Variants in PALM2AKAP2 observed in about 807,000 individuals in gnomAD.
PALM2AKAP2 encodes PALM2-AKAP2 fusion protein.
PALM2AKAP2 carries 37 observed loss-of-function variants against 71.5 expected under a neutral mutation model. That is an observed-to-expected ratio of 0.52 (90% confidence interval 0.40 to 0.68). The LOEUF (loss-of-function observed/expected upper bound fraction) is 0.68. PALM2AKAP2 is among the 30% of genes least tolerant of loss of function. The pLI is 0.00. For synonymous variants in PALM2AKAP2, 468 were observed against 478.8 expected (o/e 0.98, Z 0.29); for missense variants, 1,224 against 1,191.8 (o/e 1.03, Z -0.40).
At chr9:110,146,666 T>A (rs373975447) in intron 2 of PALM2AKAP2, among the ~76,000 whole-genome samples, 2 of 152,174 alleles carry the variant, frequency 1.3e-5, no homozygotes, top group African/African-American at 4.8e-5. Flanking sequence ...AGAATATGAC[T>A]GTGTCTTTTA....
At chr9:109,729,574 A>G (rs1016669069) in intron 1 of PALM2AKAP2, among the ~76,000 whole-genome samples, 15 of 152,232 alleles carry the variant, frequency 9.9e-5, no homozygotes, top group African/African-American at 3.4e-4. Flanking sequence ...AGAAATAAAT[A>G]TGATCAGACT....
intron 6 of PALM2AKAP2, among the ~76,000 whole-genome samples, chr9:109,998,627 G>A (rs866603173): frequency 1.9e-4 from 26 of 136,358 alleles, no homozygotes; most frequent in Middle Eastern, 3.6e-3. Context: ...TGACCAGGGC[G>A]GGGGAGTGGG....
At chr9:110,059,332 C>T (rs939081736) in intron 1 of PALM2AKAP2, among the ~76,000 whole-genome samples, 2 of 152,186 alleles carry the variant, frequency 1.3e-5, no homozygotes, top group Non-Finnish European at 2.9e-5. Context: ...CTTGCTCTTT[C>T]TCGAAGTACA....
upstream of PALM2AKAP2, among the ~76,000 whole-genome samples, chr9:109,779,870 G>A (rs369229476): frequency 1.7e-3 from 264 of 152,262 alleles, 1 homozygote; most frequent in African/African-American, 5.8e-3. Flanking sequence ...CACGTGCTCG[G>A]GTCCCACATT....
chr9:110,046,384 C>T, upstream of PALM2AKAP2, among the ~76,000 whole-genome samples: 1 of 150,890 alleles, frequency 6.6e-6, no homozygotes, highest in South Asian at 2.1e-4. Context: ...TATTCTAGAA[C>T]TTTAAAATTA....
chr9:110,053,691 G>A (rs1193083515), intron 1 of PALM2AKAP2, among the ~76,000 whole-genome samples: 4 of 152,126 alleles, frequency 2.6e-5, no homozygotes, highest in South Asian at 4.1e-4. Context: ...CTGCTGCTGG[G>A]GTCCTTAACC....
chr9:110,141,110 A>G (rs907573140), intron 2 of PALM2AKAP2, among the ~76,000 whole-genome samples: 31 of 152,076 alleles, frequency 2.0e-4, no homozygotes, highest in Non-Finnish European at 4.4e-5. Context: ...AGACATTTCA[A>G]TGCTTTCTCC....
At chr9:109,858,683 T>C (rs941063650) in intron 1 of PALM2AKAP2, among the ~76,000 whole-genome samples, 2 of 152,156 alleles carry the variant, frequency 1.3e-5, no homozygotes, top group Non-Finnish European at 2.9e-5. Context: ...TTTGGGACTT[T>C]TTCAGAGTCC....
intron 3 of PALM2AKAP2, among the ~76,000 whole-genome samples, chr9:109,899,010 G>T (rs1210172258): frequency 6.6e-6 from 1 of 152,030 alleles, no homozygotes; most frequent in African/African-American, 2.4e-5. Context: ...CTTGACTTGG[G>T]GCTCCTTTCT....
chr9:109,905,707 A>C (rs535349886), intron 3 of PALM2AKAP2, among the ~76,000 whole-genome samples: 4 of 152,224 alleles, frequency 2.6e-5, no homozygotes, highest in Admixed American at 6.5e-5. Context: ...TCAGTAGGTT[A>C]AGGGGCCAGG....
intron 6 of PALM2AKAP2, among the ~76,000 whole-genome samples, chr9:109,947,291 A>C (rs566570266): frequency 7.9e-5 from 12 of 152,222 alleles, no homozygotes; most frequent in Non-Finnish European, 1.8e-4. Context: ...AGCAAGTAGA[A>C]TATTTTGTTT....
intron 1 of PALM2AKAP2, among the ~76,000 whole-genome samples, chr9:110,058,241 G>C (rs1163220160): frequency 6.6e-6 from 1 of 152,124 alleles, no homozygotes; most frequent in Non-Finnish European, 1.5e-5. Flanking sequence ...TATGCAAATG[G>C]GAATATTTTT....
Position 109,740,899 on chromosome 9 carries a change from A to T in PALM2AKAP2, c.6-39589A>T, listed in dbSNP as rs542863394. 6.3e-4 allele frequency among the ~76,000 whole-genome samples: 96 copies of T among 152,202 alleles called. 1 individual carries two copies. Among genetic ancestry groups the T allele is most frequent in the Middle Eastern group, 6.8e-3 (2 of 292 alleles). On this transcript the variant is annotated intron_variant, in intron 1 of 6. Transcript: ENST00000374531. ...AATCTCTTGACCTCGTGATCTGCCC[A>T]CCTCGGCCTCCCAAAGCGCTGGGAT... is the stretch of plus-strand genomic sequence containing the variant.
Position 110,147,076 on chromosome 9 carries a change from C to A in PALM2AKAP2, c.2569+8537C>A, listed in dbSNP as rs993643269. On this transcript the variant is annotated intron_variant, in intron 2 of 3. Coordinates refer to ENST00000374525, the Ensembl canonical transcript of PALM2AKAP2. Reference sequence around the variant, plus strand: ...GACCAGCCTGGTCAACACAGTGAAACCCCATGTCTACCAAAAATATAAAAA... The same window carrying A: ...GACCAGCCTGGTCAACACAGTGAAAACCCATGTCTACCAAAAATATAAAAA... Among the ~76,000 whole-genome samples, 4 of 151,842 alleles carry A rather than the reference C, an allele frequency of 2.6e-5. No individual in the cohort carries two copies. In the South Asian group the frequency reaches 8.3e-4, roughly 32 times the overall value.
intron 1 of PALM2AKAP2, among the ~76,000 whole-genome samples, chr9:109,742,281 AC>A (rs1828727756): frequency 1.3e-5 from 2 of 149,632 alleles, no homozygotes; most frequent in African/African-American, 5.1e-5. Context: ...ACACACACAC[AC>A]ACACACACAC....
At chr9:110,135,086 C>T (rs1228970235) in intron 1 of PALM2AKAP2, among the ~76,000 whole-genome samples, 4 of 142,098 alleles carry the variant, frequency 2.8e-5, no homozygotes, top group East Asian at 4.1e-4. Context: ...GAGGCTGAGG[C>T]GGGCAGATTA....
chr9:110,086,082 GGC>G (rs1834565870), intron 1 of PALM2AKAP2, among the ~76,000 whole-genome samples: 1 of 149,792 alleles, frequency 6.7e-6, no homozygotes, highest in African/African-American at 2.5e-5. Context: ...ACTCCACCTG[GGC>G]AATAAGAGTG....
At chr9:109,942,688 G>GTACATTCCA in intron 6 of PALM2AKAP2, 1 of 1,578,366 alleles carries the variant, frequency 6.3e-7, no homozygotes. Flanking sequence ...CATTCAAGCT[G>GTACATTCCA]TGTACGCCAT....
intron 1 of PALM2AKAP2, among the ~76,000 whole-genome samples, chr9:110,106,879 G>A (rs1169556325): frequency 6.6e-6 from 1 of 152,134 alleles, no homozygotes; most frequent in Non-Finnish European, 1.5e-5. Context: ...CCAGCAATTA[G>A]CCCCAGGGTG....
Sources: allele counts gnomAD v4.1 joint callset (sites outside exome capture counted in the v4.1 genomes callset), GRCh38; gene constraint gnomAD v4.1.1; transcripts MANE v1.5; gene names NCBI Gene and HGNC (gene_info 2026-07-23, HGNC 2026-07-21).